DOP1B: variants seen among roughly 807,000 people sequenced by gnomAD.
The protein encoded by DOP1B is DOP1 leucine zipper like protein B, also known as protein DOP1B.
In DOP1B, 174 loss-of-function variants were observed where a neutral mutation model predicts 233.5. The observed-to-expected ratio is 0.75, with a 90% confidence interval of 0.66 to 0.85. The LOEUF (loss-of-function observed/expected upper bound fraction) is 0.85. Ranked by LOEUF, DOP1B falls within the 40% of genes least tolerant of loss-of-function variation. The probability of loss-of-function intolerance (pLI) is 0.00; values close to 1 mark genes in which losing one functional copy is unlikely to be tolerated. For missense variants in DOP1B, 2,652 were observed against 2,846.6 expected (o/e 0.93, Z 1.56); for synonymous variants, 1,190 against 1,185.6 (o/e 1.00, Z -0.08).
intron 2 of DOP1B, among the ~76,000 whole-genome samples, chr21:36,165,360 A>G (rs2065899394): frequency 6.6e-6 from 1 of 152,186 alleles, no homozygotes; most frequent in Non-Finnish European, 1.5e-5. Context: ...TAGAAGAATA[A>G]AAGTTGAAAT....
In DOP1B at chr21:36,246,403, G is replaced by C; in HGVS notation, c.4423G>C (p.Ala1475Pro). 6.2e-7 allele frequency: 1 copy of C among 1,613,424 alleles called. No individual in the cohort carries two copies. The highest frequency in any genetic ancestry group is 1.7e-5 in the Admixed American group (1 of 59,900). The change falls in exon 19 of 37, where the codon GCC becomes CCC. Residue 1475 changes from alanine to proline, a missense_variant. Physicochemically the swap from Ala to Pro is conservative, Grantham distance 27 (BLOSUM62 -1). Transcript: ENST00000691173. The surrounding 1 kb of genome is among the most constrained non-coding windows in gnomAD (Gnocchi z 5.1). ...CGACCTGTCCCGGGAGTGGCAGAGA[G>C]CCCTGAACTTCCAGCAGGCCATCAG... Reference protein sequence around the residue: ...QPDLSREWQRALNFQQAISAL... With the variant: ...QPDLSREWQRPLNFQQAISAL...
intron 27 of DOP1B, among the ~76,000 whole-genome samples, chr21:36,276,804 G>T (rs1303351349): frequency 7.0e-6 from 1 of 143,580 alleles, no homozygotes; most frequent in Admixed American, 7.3e-5. Context: ...TCACACCACT[G>T]CACTCCAGCC....
chr21:36,246,843 A>ATGTTATGTTATGTTATG lies in DOP1B; in HGVS notation c.4697+167_4697+168insGTTATGTTATGTTATGT, dbSNP rs2066971737. ...AACAAGCAACTAAATGTTCTGATCC[A>ATGTTATGTTATGTTATG]TTATGTTATGTTATGTTATGTTATG... On this transcript the variant is annotated intron_variant, in intron 19 of 36. Transcript: ENST00000691173. This position sits in a 1 kb window ranked among gnomAD's most constrained non-coding sequence, Gnocchi z 5.1. Among the ~76,000 whole-genome samples, 3 of 146,900 alleles carry ATGTTATGTTATGTTATG rather than the reference A, an allele frequency of 2.0e-5. No individual in the cohort carries two copies. Among genetic ancestry groups the ATGTTATGTTATGTTATG allele is most frequent in the African/African-American group, 7.6e-5 (3 of 39,282 alleles).
intron 9 of DOP1B, 124 bp downstream of exon 9, chr21:36,214,680 C>T (rs866884287): frequency 2.1e-6 from 2 of 932,486 alleles, no homozygotes; most frequent in South Asian, 1.6e-5. Flanking sequence ...TGGAATTTCA[C>T]AACTTTGAAG....
chr21:36,196,463 C>T (rs867448809), intron 2 of DOP1B, among the ~76,000 whole-genome samples: 8 of 151,884 alleles, frequency 5.3e-5, no homozygotes, highest in African/African-American at 1.9e-4. Context: ...CTGCTGCTAC[C>T]GTCAGTCTGT....
intron 4 of DOP1B, among the ~76,000 whole-genome samples, chr21:36,201,853 C>G (rs1017987974): frequency 1.3e-5 from 2 of 151,868 alleles, no homozygotes; most frequent in African/African-American, 4.8e-5. Context: ...TGTGTGTGGT[C>G]ACTGCTTAGG....
intron 2 of DOP1B, among the ~76,000 whole-genome samples, chr21:36,183,076 A>G (rs1343899599): frequency 6.6e-6 from 1 of 152,192 alleles, no homozygotes; most frequent in African/African-American, 2.4e-5. Flanking sequence ...GCCAGAGTGC[A>G]GGAGCTGTTT....
At chr21:36,236,777 C>CTTTTTTTTTTTTTTTTTTTTTTTTTTTCT (rs35374710) in intron 15 of DOP1B, among the ~76,000 whole-genome samples, 4 of 118,572 alleles carry the variant, frequency 3.4e-5, no homozygotes, top group African/African-American at 6.4e-5. Flanking sequence ...TTTTCTTTTT[C>CTTTTTTTTTTTTTTTTTTTTTTTTTTTCT]TTTTTTTTTT....
intron 2 of DOP1B, among the ~76,000 whole-genome samples, chr21:36,165,719 T>TA (rs2065903928): frequency 2.2e-5 from 1 of 44,864 alleles, no homozygotes; most frequent in South Asian, 5.3e-4. Flanking sequence ...TAGGAGAATC[T>TA]TTTTTTTTTT....
At chr21:36,229,039 C>A (rs1235999243) in intron 13 of DOP1B, among the ~76,000 whole-genome samples, 22 of 152,178 alleles carry the variant, frequency 1.4e-4, no homozygotes, top group Admixed American at 1.4e-3. Flanking sequence ...TGCTCTGTAA[C>A]TGCAGTTAAT....
At chr21:36,238,797 G>A in intron 17 of DOP1B, 96 bp downstream of exon 17, 1 of 1,234,972 alleles carries the variant, frequency 8.1e-7, no homozygotes, top group Admixed American at 1.9e-5. Context: ...AGAGGAGCGT[G>A]CAGTTGAAAA....
chr21:36,237,303 C>G lies in DOP1B; in HGVS notation c.2664C>G (p.Thr888=). 6.2e-7 allele frequency: 1 copy of G among 1,614,080 alleles called. No individual in the cohort carries two copies. Among genetic ancestry groups the G allele is most frequent in the African/African-American group, 1.3e-5 (1 of 75,000 alleles). ...TTTGGAATCAGCTGAACAAAGAGAC[C>G]CGGGAGCATCACGTCACCTGCGTAG... is the stretch of plus-strand genomic sequence containing the variant. ...RVLWNQLNKE[T]REHHVTCVEL... is the part of the protein sequence containing the mutation. The change falls in exon 16 of 37, where the codon ACC becomes ACG. Residue 888 remains threonine (T), a synonymous_variant. Transcript: ENST00000691173.
At chr21:36,221,363 G>C (rs9978201) in intron 10 of DOP1B, among the ~76,000 whole-genome samples, 149,509 of 151,686 alleles carry the variant, frequency 0.99, 73,689 homozygotes, top group East Asian at 1. Flanking sequence ...GGTGTGGTGG[G>C]CCATGCCTGT....
intron 24 of DOP1B, chr21:36,261,720 C>A: frequency 1.1e-6 from 1 of 889,052 alleles, no homozygotes; most frequent in African/African-American, 1.8e-5. Context: ...CCAGCCTGGC[C>A]AACGTGGTAA....
intron 10 of DOP1B, among the ~76,000 whole-genome samples, chr21:36,222,278 C>T (rs1014018728): frequency 4.0e-5 from 6 of 151,796 alleles, no homozygotes; most frequent in Non-Finnish European, 8.8e-5. Flanking sequence ...TTTCCTGAGC[C>T]ATAGAAGATA....
chr21:36,177,177 G>A (rs1036498294), intron 2 of DOP1B, among the ~76,000 whole-genome samples: 1 of 152,182 alleles, frequency 6.6e-6, no homozygotes, highest in Non-Finnish European at 1.5e-5. Context: ...TGTTGTGGGT[G>A]CCATGCTGGG....
At position 36,239,951 on chromosome 21, in the gene DOP1B, G is replaced by C. The variant is rs763741932; in HGVS notation, c.3063G>C (p.Ser1021=). 2.5e-6 allele frequency: 4 copies of C among 1,608,514 alleles called. No individual in the cohort carries two copies. The highest frequency in any genetic ancestry group is 2.7e-5 in the African/African-American group (2 of 74,738). ...TCCACTGCCTCAAGCAGGAGAACTCGGCCGGTGAGCAGCCTGCACAGGACC... is the reference window on the plus strand; with the variant it reads ...TCCACTGCCTCAAGCAGGAGAACTCCGCCGGTGAGCAGCCTGCACAGGACC... The part of the protein sequence containing the change: ...TSIHCLKQEN[S]ADDLHRWFNR... The change falls in exon 18 of 37, where the codon TCG becomes TCC. Residue 1021 remains serine, a synonymous_variant. Transcript: ENST00000691173.
At chr21:36,240,739 A>G (rs2066883733) in intron 18 of DOP1B, among the ~76,000 whole-genome samples, 1 of 152,238 alleles carries the variant, frequency 6.6e-6, no homozygotes, top group South Asian at 2.1e-4. Flanking sequence ...ATTAAACTTC[A>G]GTGATTAATA....
intron 2 of DOP1B, among the ~76,000 whole-genome samples, chr21:36,177,998 G>T (rs2835298): frequency 0.18 from 27,552 of 152,122 alleles, 2,490 homozygotes; most frequent in South Asian, 0.21. Flanking sequence ...AAGAAAGTTA[G>T]GAGCTAGAAA....
Sources: allele counts gnomAD v4.1 joint callset (sites outside exome capture counted in the v4.1 genomes callset), GRCh38; gene constraint gnomAD v4.1.1; non-coding constraint Gnocchi (gnomAD v3.1); transcripts MANE v1.5; gene names NCBI Gene and HGNC (gene_info 2026-07-23, HGNC 2026-07-21).